The following C14orf119 variants were observed in gnomAD, a reference collection of about 807,000 sequenced individuals.
The protein encoded by C14orf119 is uncharacterized protein C14orf119.
A neutral mutation model predicts 13.5 loss-of-function variants in C14orf119; 17 were observed. That is an observed-to-expected ratio of 1.26 (90% CI 0.86 to 1.88). C14orf119 has a LOEUF of 1.88. C14orf119 is among the 40% of genes most tolerant of loss of function. The pLI is 0.00. For synonymous variants in C14orf119, 61 were observed against 61.9 expected, an observed-to-expected ratio of 0.99 and a Z score of 0.07; for missense variants, 162 against 165.9, an observed-to-expected ratio of 0.98 and a Z score of 0.13.
chr14:23,096,575 A>AT (rs199619004), intron 1 of C14orf119, among the ~76,000 whole-genome samples: 1,946 of 142,872 alleles, frequency 0.014, 73 homozygotes, highest in African/African-American at 0.047. Context: ...AAAAAAAAAA[A>AT]ATTTTTTTTT....
At position 23,099,252 on chromosome 14, in the gene C14orf119, T is replaced by C. The variant is rs2048410723; in HGVS notation, c.*1171T>C. The C allele has an allele frequency of 7.3e-6, 3 of 413,366 alleles. No individual in the cohort carries two copies. The highest frequency in any genetic ancestry group is 2.1e-5 in the African/African-American group (1 of 48,624). The allele number at this position is 413,366 out of a possible 1,614,324, so 25.6% of individuals were successfully genotyped here. A position where few individuals can be genotyped will look rare whatever the true frequency, so the allele number is the denominator to read the frequency against. The stretch of plus-strand genomic sequence containing the variant: ...GTTGTCTCACAAGAAATTATTCTCT[T>C]CCTTACCCCCTGTCATGTTCTGGGC... On this transcript the variant is annotated 3_prime_UTR_variant, in exon 2 of 2. Transcript: ENST00000319074.
At chr14:23,095,894 C>T (rs1039539629) in intron 1 of C14orf119, among the ~76,000 whole-genome samples, 3 of 152,156 alleles carry the variant, frequency 2.0e-5, no homozygotes, top group Admixed American at 1.3e-4. Context: ...TTTGAGTTTG[C>T]CTTGGAAGCC....
chr14:23,097,628 A>G, intron 1 of C14orf119, 30 bp from the exon 2 acceptor site: 1 of 1,588,050 alleles, frequency 6.3e-7, no homozygotes, highest in Non-Finnish European at 8.6e-7. Context: ...CTCTACCTGG[A>G]GAGCATATAA....
chr14:23,097,988 G>A lies in C14orf119; in HGVS notation c.330G>A (p.Glu110=). ...DQWFRGWAEQ[E]RNEFVRQLEF... ...GGTTTCGAGGCTGGGCTGAGCAGGA[G>A]CGCAATGAATTTGTCAGACAGCTGG... The change falls in exon 2 of 2, where the codon GAG becomes GAA. Residue 110 remains glutamate (E), a synonymous_variant. Transcript: ENST00000319074. 4 of 1,614,204 alleles carry A rather than the reference G, an allele frequency of 2.5e-6. No homozygotes were observed. Among genetic ancestry groups the A allele is most frequent in the Non-Finnish European group, 3.4e-6 (4 of 1,180,036 alleles).
intron 1 of C14orf119, among the ~76,000 whole-genome samples, chr14:23,096,797 G>A (rs185184546): frequency 6.6e-6 from 1 of 152,032 alleles, no homozygotes; most frequent in East Asian, 1.9e-4. Flanking sequence ...GGCTGGTCTC[G>A]AACACCTGGG....
At chr14:23,095,845 G>A (rs1374410706) in intron 1 of C14orf119, among the ~76,000 whole-genome samples, 1 of 152,180 alleles carries the variant, frequency 6.6e-6, no homozygotes, top group Non-Finnish European at 1.5e-5. Context: ...CGTGTCTTCG[G>A]ACCCAGACTA....
Position 23,098,991 on chromosome 14 carries a change from A to G in C14orf119, c.*910A>G. 4.4e-6 allele frequency: 1 copy of G among 229,864 alleles called. No individual in the cohort carries two copies. Among genetic ancestry groups the G allele is most frequent in the Non-Finnish European group, 9.1e-6 (1 of 109,340 alleles). The allele number at this position is 229,864 out of a possible 1,614,324, so 14.2% of individuals were successfully genotyped here. A position where few individuals can be genotyped will look rare whatever the true frequency, so the allele number is the denominator to read the frequency against. On this transcript the variant is annotated 3_prime_UTR_variant, in exon 2 of 2. Coordinates refer to ENST00000319074, the MANE Select transcript of C14orf119 (RefSeq NM_017924.4). ...TTTTTCTAAGGCATATGTATGTGAT[A>G]TTCTTGGAACTGGTAGCAGGTGTTC...
intron 1 of C14orf119, among the ~76,000 whole-genome samples, chr14:23,096,324 C>T (rs1014354772): frequency 1.3e-5 from 2 of 151,682 alleles, no homozygotes; most frequent in Non-Finnish European, 2.9e-5. Context: ...GGAGACCAGT[C>T]TGGCCAATAT....
At chr14:23,096,640 G>A (rs908015360) in intron 1 of C14orf119, among the ~76,000 whole-genome samples, 3 of 150,700 alleles carry the variant, frequency 2.0e-5, no homozygotes, top group Non-Finnish European at 4.4e-5. Context: ...GCAGTGGCGC[G>A]ATCAGGGCTC....
intron 1 of C14orf119, among the ~76,000 whole-genome samples, chr14:23,095,823 A>C (rs1042954542): frequency 6.6e-6 from 1 of 152,172 alleles, no homozygotes; most frequent in Non-Finnish European, 1.5e-5. Flanking sequence ...GGGGGTGCGC[A>C]AGAAGCATCG....
Position 23,100,337 on chromosome 14 carries a change from G to A in C14orf119, c.*2256G>A. 2.4e-6 allele frequency: 1 copy of A among 409,892 alleles called. No homozygotes were observed. 25.4% of individuals were successfully genotyped at this position (409,892 alleles called of 1,614,324 possible). A position where few individuals can be genotyped will look rare whatever the true frequency, so the allele number is the denominator to read the frequency against. On this transcript the variant is annotated 3_prime_UTR_variant, in exon 2 of 2. Coordinates refer to ENST00000319074, the MANE Select transcript of C14orf119 (RefSeq NM_017924.4). The stretch of plus-strand genomic sequence containing the variant: ...GGGGGAATGTGTTATTGTATGGGAG[G>A]AGGGAGTCAGGTAGTGACGGGACTG...
At chr14:23,096,576 A>AAAAAAATT (rs1472408476) in intron 1 of C14orf119, among the ~76,000 whole-genome samples, 1 of 135,994 alleles carries the variant, frequency 7.4e-6, no homozygotes, top group African/African-American at 2.8e-5. Flanking sequence ...AAAAAAAAAA[A>AAAAAAATT]TTTTTTTTTT....
intron 1 of C14orf119, among the ~76,000 whole-genome samples, chr14:23,095,936 G>C (rs2048364119): frequency 6.6e-6 from 1 of 152,234 alleles, no homozygotes; most frequent in South Asian, 2.1e-4. Context: ...GTTCTTCCTT[G>C]CTCCGCAGAA....
intron 1 of C14orf119, among the ~76,000 whole-genome samples, 186 bp downstream of exon 1, chr14:23,095,805 A>G (rs970188489): frequency 3.3e-5 from 5 of 152,120 alleles, no homozygotes; most frequent in African/African-American, 9.7e-5. Flanking sequence ...CGGAATAACA[A>G]GCTCCGTGGG....
At position 23,097,959 on chromosome 14, in the gene C14orf119, C is replaced by T. The variant is rs1374153705; in HGVS notation, c.301C>T (p.Gln101Ter). 6 of 1,614,052 alleles carry T rather than the reference C, an allele frequency of 3.7e-6. No individual in the cohort carries two copies. Among genetic ancestry groups the T allele is most frequent in the Non-Finnish European group, 5.1e-6 (6 of 1,180,036 alleles). ...IFECQLHLWD[Q>*]WFRGWAEQER... ...TGAGTGCCAGCTACATCTTTGGGATCAGTGGTTTCGAGGCTGGGCTGAGCA... is the reference window on the plus strand; with the variant it reads ...TGAGTGCCAGCTACATCTTTGGGATTAGTGGTTTCGAGGCTGGGCTGAGCA... The change falls in exon 2 of 2, where the codon CAG becomes TAG. Residue 101 changes from glutamine to a stop codon, truncating the protein, a stop_gained. Coordinates refer to ENST00000319074, the MANE Select transcript of C14orf119 (RefSeq NM_017924.4). LOFTEE classifies it high-confidence loss of function.
At position 23,098,105 on chromosome 14, in the gene C14orf119, A is replaced by C. The variant is rs747427819; in HGVS notation, c.*24A>C. On this transcript the variant is annotated 3_prime_UTR_variant, in exon 2 of 2. Transcript: ENST00000319074. ...GATAGGCATTCAGACCAAAGAAGAT[A>C]ACCATAGCTGATGGAGCCATGACTC... 6.2e-7 allele frequency: 1 copy of C among 1,600,212 alleles called. No homozygotes were observed. Among genetic ancestry groups the C allele is most frequent in the Non-Finnish European group, 8.5e-7 (1 of 1,171,352 alleles).
chr14:23,095,521 G>GCCCA lies in C14orf119; in HGVS notation c.-99_-96dup, dbSNP rs2048355896. The GCCCA allele has an allele frequency of 1.8e-6, 1 of 555,556 alleles. No homozygotes were observed. Among genetic ancestry groups the GCCCA allele is most frequent in the Non-Finnish European group, 3.1e-6 (1 of 320,398 alleles). The allele number at this position is 555,556 out of a possible 1,614,324, so 34.4% of individuals were successfully genotyped here. A position where few individuals can be genotyped will look rare whatever the true frequency, so the allele number is the denominator to read the frequency against. On this transcript the variant is annotated 5_prime_UTR_variant, in exon 1 of 2. Coordinates refer to ENST00000319074, the MANE Select transcript of C14orf119 (RefSeq NM_017924.4). ...CGGAAGTGCGTGGGCTGCCGGGCTG[G>GCCCA]CCCAGCTTAGGGTTTTCAGGAAATT... is the stretch of plus-strand genomic sequence containing the variant.
intron 1 of C14orf119, among the ~76,000 whole-genome samples, chr14:23,097,391 A>G (rs1382373730): frequency 1.3e-5 from 2 of 152,228 alleles, no homozygotes; most frequent in Non-Finnish European, 2.9e-5. Flanking sequence ...TAGGTTCTTT[A>G]TAAGAAAGAT....
rs146793604 is a variant in C14orf119 at position 23,095,520 on chromosome 14, G to A, written c.-101G>A. 1.5e-4 allele frequency: 83 copies of A among 560,178 alleles called. 1 individual carries two copies. Among genetic ancestry groups the A allele is most frequent in the African/African-American group, 1.4e-3 (74 of 53,074 alleles). 34.7% of individuals were successfully genotyped at this position (560,178 alleles called of 1,614,324 possible). ...CCGGAAGTGCGTGGGCTGCCGGGCT[G>A]GCCCAGCTTAGGGTTTTCAGGAAAT... On this transcript the variant is annotated 5_prime_UTR_variant, in exon 1 of 2. Transcript: ENST00000319074.
Sources: gnomAD v4.1 joint callset for allele counts (sites outside exome capture counted in the v4.1 genomes callset) on GRCh38, gnomAD v4.1.1 for gene constraint, MANE v1.5 for transcripts, NCBI Gene and HGNC (gene_info 2026-07-23, HGNC 2026-07-21) for gene names.